Variants in HNRNPL observed in about 807,000 individuals in gnomAD.
HNRNPL encodes heterogeneous nuclear ribonucleoprotein L.
HNRNPL carries 12 observed loss-of-function variants against 64.0 expected under a neutral mutation model. The ratio of observed to expected loss-of-function variants is 0.19; its 90% confidence interval spans 0.12 to 0.30. The LOEUF is 0.30. Among genes scored for constraint, HNRNPL ranks in the 10% least tolerant of loss-of-function variants. The probability of loss-of-function intolerance (pLI) is 1.00; values close to 1 mark genes in which losing one functional copy is unlikely to be tolerated. For synonymous variants in HNRNPL, 385 were observed against 313.0 expected (o/e 1.23, Z -2.43); for missense variants, 484 against 797.4 (o/e 0.61, Z 4.73).
chr19:38,837,315 T>TC (rs1489805431), intron 12 of HNRNPL, 69 bp downstream of exon 12: 1 of 1,233,966 alleles, frequency 8.1e-7, no homozygotes, highest in South Asian at 1.2e-5. Context: ...AGGAAGGACA[T>TC]CCCTGGCCTG....
upstream of HNRNPL, among the ~76,000 whole-genome samples, chr19:38,850,554 C>T (rs1251294609): frequency 6.6e-6 from 1 of 152,214 alleles, no homozygotes; most frequent in East Asian, 1.9e-4. Context: ...AGCCCCGCCC[C>T]AGGGTAGGCG....
At chr19:38,849,401 C>A (rs1173281989) in intron 1 of HNRNPL, 1 of 350,410 alleles carries the variant, frequency 2.9e-6, no homozygotes, top group Admixed American at 4.8e-5. Flanking sequence ...AAAAAACCGG[C>A]CGGGCCGCGT....
intron 6 of HNRNPL, among the ~76,000 whole-genome samples, chr19:38,842,773 A>C (rs1972158806): frequency 6.6e-6 from 1 of 152,094 alleles, no homozygotes; most frequent in Non-Finnish European, 1.5e-5. Context: ...GGGGCTGCCA[A>C]AGCTGAGAGG....
intron 2 of HNRNPL, 104 bp from the exon 3 acceptor site, chr19:38,846,194 C>T (rs1027833317): frequency 9.5e-6 from 8 of 841,730 alleles, no homozygotes; most frequent in African/African-American, 1.7e-5. Context: ...CTCTGAACTC[C>T]TCTGCAACCC....
At chr19:38,837,108 G>A (rs1358760677) in intron 12 of HNRNPL, 6 of 556,664 alleles carry the variant, frequency 1.1e-5, no homozygotes, top group Non-Finnish European at 1.9e-5. Flanking sequence ...TCCTACCTAA[G>A]CCAGTCTCTG....
upstream of HNRNPL, chr19:38,850,016 C>G: frequency 7.7e-7 from 1 of 1,294,258 alleles, no homozygotes; most frequent in Non-Finnish European, 9.9e-7. Context: ...GAGGGACACG[C>G]CCGTCACCCG....
At chr19:38,843,593 C>T (rs542795346) in intron 6 of HNRNPL, 24 of 527,978 alleles carry the variant, frequency 4.5e-5, no homozygotes, top group Non-Finnish European at 6.8e-5. Flanking sequence ...CCCTGCTCCC[C>T]GCCCATCCAG....
chr19:38,849,936 T>G lies in HNRNPL; in HGVS notation c.31A>C (p.Lys11Gln). The change falls in exon 1 of 13, where the codon AAG becomes CAG. Residue 11 changes from lysine (K) to glutamine (Q), a missense_variant. This residue lies in a region of HNRNPL where 190 missense variants were observed against 160.1 expected (regional missense o/e 1.19). Transcript: ENST00000221419. ...CTCTGCTCCAGCCGCCGACGCCGCT[T>G]CTCCGCCCGGGGCAGCAGCCTCCGC... MSRRLLPRAEKRRRRLEQRQQ... is the reference protein window; with the variant it reads MSRRLLPRAEQRRRRLEQRQQ... 7.3e-7 allele frequency: 1 copy of G among 1,371,712 alleles called. No individual in the cohort carries two copies. Among genetic ancestry groups the G allele is most frequent in the Admixed American group, 2.6e-5 (1 of 38,168 alleles). The allele number at this position is 1,371,712 out of a possible 1,614,324, so 85.0% of individuals were successfully genotyped here.
At chr19:38,837,747 G>T in intron 10 of HNRNPL, 96 bp from the exon 11 acceptor site, 1 of 1,023,314 alleles carries the variant, frequency 9.8e-7, no homozygotes, top group Non-Finnish European at 1.5e-6. Context: ...AGTACTTGAA[G>T]TTTTCAGGAG....
At chr19:38,848,511 T>G (rs1167743573) in intron 1 of HNRNPL, among the ~76,000 whole-genome samples, 2 of 152,140 alleles carry the variant, frequency 1.3e-5, no homozygotes, top group South Asian at 2.1e-4. Context: ...GGAGAAAGAT[T>G]AACTCTCTTC....
At chr19:38,838,836 A>AT (rs1972015922) in intron 9 of HNRNPL, 58 bp downstream of exon 9, 1 of 1,601,592 alleles carries the variant, frequency 6.2e-7, no homozygotes, top group African/African-American at 1.3e-5. Context: ...GCTGGGCCCC[A>AT]TTCCCCTCCT....
At chr19:38,845,453 C>T in intron 4 of HNRNPL, 197 bp downstream of exon 4, 4 of 600,968 alleles carry the variant, frequency 6.7e-6, no homozygotes, top group Non-Finnish European at 1.2e-5. Flanking sequence ...TGCTCTCTCC[C>T]CTAAGATCTG....
chr19:38,840,025 G>T, intron 8 of HNRNPL, 71 bp downstream of exon 8: 1 of 1,476,984 alleles, frequency 6.8e-7, no homozygotes, highest in Non-Finnish European at 9.4e-7. Context: ...GCTCCCCCCT[G>T]GTTCTTTCCC....
chr19:38,840,651 C>T, intron 6 of HNRNPL, 92 bp from the exon 7 acceptor site: 2 of 1,031,004 alleles, frequency 1.9e-6, no homozygotes, highest in Non-Finnish European at 2.9e-6. Flanking sequence ...GCCCCCAGCT[C>T]CTGCCAACTG....
intron 2 of HNRNPL, 23 bp from the exon 3 acceptor site, chr19:38,846,113 C>T: frequency 6.5e-7 from 1 of 1,544,816 alleles, no homozygotes; most frequent in Non-Finnish European, 8.9e-7. Flanking sequence ...ACACAGGTTT[C>T]AATCCTCTCA....
At chr19:38,843,628 G>A (rs1972186655) in intron 6 of HNRNPL, 3 of 576,790 alleles carry the variant, frequency 5.2e-6, no homozygotes, top group Admixed American at 3.2e-5. Flanking sequence ...TCTGTATCCT[G>A]AGCAGCATCG....
At chr19:38,841,574 T>C (rs1228224111) in intron 6 of HNRNPL, 2 of 872,706 alleles carry the variant, frequency 2.3e-6, no homozygotes, top group East Asian at 1.2e-4. Context: ...GAGTACAATG[T>C]CCATTTGTCA....
chr19:38,841,782 CA>C (rs1972125949), intron 6 of HNRNPL: 6 of 492,098 alleles, frequency 1.2e-5, no homozygotes, highest in South Asian at 8.0e-5. Flanking sequence ...TTGATTAAAT[CA>C]AAAATGGCTC....
chr19:38,844,153 C>G (rs1052292731), intron 4 of HNRNPL, 49 bp from the exon 5 acceptor site: 1 of 1,207,476 alleles, frequency 8.3e-7, no homozygotes, highest in Non-Finnish European at 1.2e-6. Flanking sequence ...TTGAGAAGGG[C>G]TTCAAGTTAC....
Sources: allele counts gnomAD v4.1 joint callset (sites outside exome capture counted in the v4.1 genomes callset), GRCh38; gene constraint gnomAD v4.1.1; regional missense constraint gnomAD v4.1.1; transcripts MANE v1.5; gene names NCBI Gene and HGNC (gene_info 2026-07-23, HGNC 2026-07-21).